The following SPTB variants were observed in gnomAD, a reference collection of about 807,000 sequenced individuals.
SPTB encodes spectrin beta chain, erythrocytic.
A neutral mutation model predicts 256.2 loss-of-function variants in SPTB; 45 were observed. The observed-to-expected ratio is 0.18, with a 90% CI of 0.14 to 0.23. SPTB has a LOEUF of 0.23. Among genes scored for constraint, SPTB ranks in the 10% least tolerant of loss-of-function variants. The pLI is 1.00. For synonymous variants in SPTB, 1,231 were observed against 1,243.1 expected (o/e 0.99, Z 0.21); for missense variants, 2,715 against 3,040.4 (o/e 0.89, Z 2.52).
chr14:64,786,561 T>A lies in SPTB; in HGVS notation c.3404A>T (p.Glu1135Val), dbSNP rs375618460. 12 of 1,614,024 alleles carry A rather than the reference T, an allele frequency of 7.4e-6. No individual in the cohort carries two copies. The highest frequency in any genetic ancestry group is 5.3e-5 in the African/African-American group (4 of 74,914). ...EKVIQGQTDP[E>V]YLLLGQRLEG... ...CAGCCGCTGGCCCAGAAGCAGATAC[T>A]CTGGGTCCGTCTGGCCTTGGATCAC... The change falls in exon 16 of 36, where the codon GAG (glutamate) becomes GTG (valine). Residue 1135 changes from glutamate (E) to valine (V), a missense_variant. Around this residue, in one of 4 missense-constraint regions of SPTB, gnomAD observed 2,239 missense variants for 2,384.4 expected, o/e 0.94. Coordinates refer to ENST00000644917, the MANE Select transcript of SPTB (RefSeq NM_001355436.2). The surrounding 1 kb of genome is among the most constrained non-coding windows in gnomAD (Gnocchi z 5.6).
chr14:64,871,510 T>C (rs982613006), intron 1 of SPTB, among the ~76,000 whole-genome samples: 1 of 152,210 alleles, frequency 6.6e-6, no homozygotes, highest in African/African-American at 2.4e-5. Context: ...CAGTGTGGGA[T>C]GGTTTGGAGA....
Position 64,795,541 on chromosome 14 carries a change from G to A in SPTB, c.1440C>T (p.Ala480=). ...CCAGCTCCTGAGCCAGGTCCTCCAG[G>A]GCTCTCACCCGCTCCTCGTAGGCAG... ...DTAAYEERVR[A]LEDLAQELEK... is the part of the protein sequence containing the mutation. Residue 480 remains alanine, a synonymous_variant, in exon 12 of 36, where the codon GCC becomes GCT. Coordinates refer to ENST00000644917, the MANE Select transcript of SPTB (RefSeq NM_001355436.2). The surrounding 1 kb of genome is among the most constrained non-coding windows in gnomAD (Gnocchi z 6.5). 1.2e-6 allele frequency: 2 copies of A among 1,614,070 alleles called. No homozygotes were observed. Among genetic ancestry groups the A allele is most frequent in the Non-Finnish European group, 1.7e-6 (2 of 1,180,006 alleles).
chr14:64,844,959 T>C lies in SPTB; in HGVS notation c.-51-21814A>G, dbSNP rs1181671825. The stretch of plus-strand genomic sequence containing the variant: ...TTCATATTGTTAACCTGACCAGAAA[T>C]AAGACCCAGAATCTCAAGTCTTTGA... On this transcript the variant is annotated intron_variant, in intron 1 of 35. Coordinates refer to ENST00000644917, the MANE Select transcript of SPTB (RefSeq NM_001355436.2). This position sits in a 1 kb window ranked among gnomAD's most constrained non-coding sequence, Gnocchi z 4.1. 6.6e-6 allele frequency among the ~76,000 whole-genome samples: 1 copy of C among 152,222 alleles called. No homozygotes were observed. The highest frequency in any genetic ancestry group is 6.5e-5 in the Admixed American group (1 of 15,282).
Position 64,774,636 on chromosome 14 carries a change from T to C in SPTB, c.4843-109A>G, listed in dbSNP as rs2082330451. ...TGCCCGAGGGAGGAGGGGAGTAGGCTTGTGGGACACCCGCAGGAGAGCCAC... is the reference window on the plus strand; with the variant it reads ...TGCCCGAGGGAGGAGGGGAGTAGGCCTGTGGGACACCCGCAGGAGAGCCAC... On this transcript the variant is annotated intron_variant, in intron 23 of 35. Transcript: ENST00000644917. 10 of 1,481,838 alleles carry C rather than the reference T, an allele frequency of 6.7e-6. No individual in the cohort carries two copies. In the South Asian group the frequency reaches 1.1e-4, roughly 16 times the overall value. 91.8% of individuals were successfully genotyped at this position (1,481,838 alleles called of 1,614,324 possible).
At chr14:64,872,877 A>G (rs191762920) in intron 1 of SPTB, among the ~76,000 whole-genome samples, 2 of 152,188 alleles carry the variant, frequency 1.3e-5, no homozygotes, top group Admixed American at 6.5e-5. Context: ...ACCATGTATG[A>G]CATGCCTTTG....
intron 9 of SPTB, 148 bp downstream of exon 9, chr14:64,799,599 G>T (rs2139620345): frequency 1.1e-6 from 1 of 942,724 alleles, no homozygotes; most frequent in Non-Finnish European, 1.6e-6. Context: ...GTGAAGAGGG[G>T]CACAAGGCAG....
chr14:64,750,330 T>A, intron 33 of SPTB, 176 bp from the exon 34 acceptor site: 1 of 727,914 alleles, frequency 1.4e-6, no homozygotes, highest in Non-Finnish European at 2.2e-6. Context: ...TAGCTATTAT[T>A]AACATTTTAT....
In SPTB at chr14:64,801,387, C is replaced by T. The variant is rs768355411; in HGVS notation, c.661G>A (p.Asp221Asn). Residue 221 changes from aspartate to asparagine, a missense_variant, in exon 7 of 36, where the codon GAC becomes AAC. Physicochemically the swap from Asp to Asn is conservative, Grantham distance 23 (BLOSUM62 1). Around this residue, in one of 4 missense-constraint regions of SPTB, gnomAD observed 416 missense variants for 571.1 expected, o/e 0.73. Transcript: ENST00000644917. ...TTGGAGTCCTTCAGCTTATCAAAGT[C>T]GATCAGGTCGGGCCTGGGGACAAAA... ...LIHKHRPDLI[D>N]FDKLKDSNAR... The T allele has an allele frequency of 1.4e-5, 22 of 1,614,068 alleles. No individual in the cohort carries two copies. Among genetic ancestry groups the T allele is most frequent in the Middle Eastern group, 1.6e-4 (1 of 6,062 alleles).
In SPTB at chr14:64,878,869, T is replaced by C. The variant is rs573530312; in HGVS notation, c.-52+923A>G. On this transcript the variant is annotated intron_variant, in intron 1 of 35. Transcript: ENST00000644917. ...TTTCCTTACTCCTGGCTGGCGCCTC[T>C]AATTGCTCACTGAAAACAGTGGTTT... Among the ~76,000 whole-genome samples, 4 of 151,730 alleles carry C rather than the reference T, an allele frequency of 2.6e-5. No individual in the cohort carries two copies. The South Asian group carries it at 8.3e-4, about 32-fold the overall frequency.
intron 22 of SPTB, among the ~76,000 whole-genome samples, chr14:64,776,275 C>T (rs2139518575): frequency 6.6e-6 from 1 of 152,298 alleles, no homozygotes; most frequent in African/African-American, 2.4e-5. Context: ...AAAATAACCA[C>T]ATCTACAAGT....
Position 64,795,753 on chromosome 14 carries a change from C to T in SPTB, c.1342-114G>A. On this transcript the variant is annotated intron_variant, in intron 11 of 35. Transcript: ENST00000644917. The surrounding 1 kb of genome is among the most constrained non-coding windows in gnomAD (Gnocchi z 6.5). ...CAGTGCTAGATGGGAAAGCACATTC[C>T]CAAGAAGCAGCTAGTTCTGCCTTAC... 9.0e-7 allele frequency: 1 copy of T among 1,116,354 alleles called. No individual in the cohort carries two copies. The highest frequency in any genetic ancestry group is 1.3e-6 in the Non-Finnish European group (1 of 755,622). The allele number at this position is 1,116,354 out of a possible 1,614,324, so 69.2% of individuals were successfully genotyped here. A position where few individuals can be genotyped will look rare whatever the true frequency, so the allele number is the denominator to read the frequency against.
chr14:64,824,809 C>CA lies in SPTB; in HGVS notation c.-51-1665dup, dbSNP rs2083352069. 6.6e-6 allele frequency among the ~76,000 whole-genome samples: 1 copy of CA among 152,206 alleles called. No individual in the cohort carries two copies. Among genetic ancestry groups the CA allele is most frequent in the South Asian group, 2.1e-4 (1 of 4,832 alleles). On this transcript the variant is annotated intron_variant, in intron 1 of 35. Coordinates refer to ENST00000644917, the MANE Select transcript of SPTB (RefSeq NM_001355436.2). The surrounding 1 kb of genome is among the most constrained non-coding windows in gnomAD (Gnocchi z 5.7). ...CAAGTGTGAGATGGCAGCAGGGCTA[C>CA]AGCCTTATTTTTCAGATACAGACTC...
chr14:64,787,518 C>T (rs1057378378), intron 15 of SPTB, among the ~76,000 whole-genome samples: 6 of 152,190 alleles, frequency 3.9e-5, no homozygotes, highest in Non-Finnish European at 1.5e-5. Flanking sequence ...AATTAAAAGG[C>T]TCACATTAAC....
At position 64,826,222 on chromosome 14, in the gene SPTB, C is replaced by G. The variant is rs887744606; in HGVS notation, c.-51-3077G>C. Among the ~76,000 whole-genome samples, 1 of 152,176 alleles carries G rather than the reference C, an allele frequency of 6.6e-6. No homozygotes were observed. The highest frequency in any genetic ancestry group is 2.4e-5 in the African/African-American group (1 of 41,448). On this transcript the variant is annotated intron_variant, in intron 1 of 35. Transcript: ENST00000644917. This position sits in a 1 kb window ranked among gnomAD's most constrained non-coding sequence, Gnocchi z 4.4. ...GGCAGGAAGGAAATAAATAAGAGAACAGGAAAGCTACAGATAGTTAACAAA... is the reference window on the plus strand; with the variant it reads ...GGCAGGAAGGAAATAAATAAGAGAAGAGGAAAGCTACAGATAGTTAACAAA...
At chr14:64,762,657 T>G (rs1265968199) in intron 32 of SPTB, among the ~76,000 whole-genome samples, 1 of 152,224 alleles carries the variant, frequency 6.6e-6, no homozygotes, top group Non-Finnish European at 1.5e-5. Flanking sequence ...CTCAGTCCCT[T>G]TCTCCAGGGC....
At chr14:64,787,476 C>T (rs963520115) in intron 15 of SPTB, among the ~76,000 whole-genome samples, 6 of 152,286 alleles carry the variant, frequency 3.9e-5, no homozygotes, top group Admixed American at 2.0e-4. Context: ...GGCAAATATA[C>T]AATTTCCCCA....
At chr14:64,774,647 C>T (rs1427051278) in intron 23 of SPTB, 120 bp from the exon 24 acceptor site, 4 of 1,420,460 alleles carry the variant, frequency 2.8e-6, no homozygotes, top group African/African-American at 1.4e-5. Flanking sequence ...TGTGGGACAC[C>T]CGCAGGAGAG....
rs1409742312 is a variant in SPTB, at chr14:64,760,963, G to C, written c.6345+5763C>G. Among the ~76,000 whole-genome samples the C allele has an allele frequency of 1.3e-5, 2 of 152,208 alleles. No individual in the cohort carries two copies. The highest frequency in any genetic ancestry group is 2.4e-5 in the African/African-American group (1 of 41,452). ...TCCAGAGGAAAGCACCTGCCCGATGGGGTTCACAGTCTAAATGAGATGATC... is the reference window on the plus strand; with the variant it reads ...TCCAGAGGAAAGCACCTGCCCGATGCGGTTCACAGTCTAAATGAGATGATC... On this transcript the variant is annotated intron_variant, in intron 32 of 35. Transcript: ENST00000644917. This position sits in a 1 kb window ranked among gnomAD's most constrained non-coding sequence, Gnocchi z 4.3.
chr14:64,762,179 G>A (rs1453465549), intron 32 of SPTB, among the ~76,000 whole-genome samples: 2 of 152,200 alleles, frequency 1.3e-5, no homozygotes, highest in African/African-American at 4.8e-5. Flanking sequence ...ACAGGAACAT[G>A]CCCAGGTTTT....
Sources: allele counts gnomAD v4.1 joint callset (sites outside exome capture counted in the v4.1 genomes callset), GRCh38; gene constraint gnomAD v4.1.1; regional missense constraint gnomAD v4.1.1; non-coding constraint Gnocchi (gnomAD v3.1); transcripts MANE v1.5; gene names NCBI Gene and HGNC (gene_info 2026-07-23, HGNC 2026-07-21).